TAFA4: variants seen among roughly 807,000 people sequenced by gnomAD.
TAFA4 encodes TAFA chemokine like family member 4.
TAFA4 carries 20 observed loss-of-function variants against 21.1 expected under a neutral mutation model. That is an observed-to-expected ratio of 0.95 (90% confidence interval 0.67 to 1.38). TAFA4 has a LOEUF of 1.38. Among genes scored for constraint, TAFA4 ranks in the 40% most tolerant of loss-of-function variants. The pLI is 0.00. For synonymous variants in TAFA4, 71 were observed against 67.4 expected (o/e 1.05, Z -0.26); for missense variants, 211 against 180.9 (o/e 1.17, Z -0.95).
At chr3:68,743,948 G>C (rs1243976388) in intron 4 of TAFA4, among the ~76,000 whole-genome samples, 1 of 152,140 alleles carries the variant, frequency 6.6e-6, no homozygotes, top group East Asian at 1.9e-4. Flanking sequence ...ACCACAGATT[G>C]GTTCCAAGTG....
intron 3 of TAFA4, among the ~76,000 whole-genome samples, chr3:68,879,614 T>C (rs2089593362): frequency 6.6e-6 from 1 of 152,236 alleles, no homozygotes; most frequent in Admixed American, 6.5e-5. Flanking sequence ...GATTTTATGC[T>C]GATTTGCTGA....
At chr3:68,843,214 G>A (rs922394405) in intron 3 of TAFA4, among the ~76,000 whole-genome samples, 1 of 152,150 alleles carries the variant, frequency 6.6e-6, no homozygotes, top group Non-Finnish European at 1.5e-5. Context: ...CTTGAGCAGT[G>A]GTTTGTAGTT....
At chr3:68,872,632 T>C (rs964334064) in intron 3 of TAFA4, among the ~76,000 whole-genome samples, 2 of 152,152 alleles carry the variant, frequency 1.3e-5, no homozygotes, top group Non-Finnish European at 2.9e-5. Flanking sequence ...TCATTACACA[T>C]TGTATATATG....
At chr3:68,803,253 T>A (rs1451945512) in intron 3 of TAFA4, among the ~76,000 whole-genome samples, 2 of 152,204 alleles carry the variant, frequency 1.3e-5, no homozygotes. Flanking sequence ...AATAGATGAA[T>A]AATTTAAAGA....
chr3:68,909,166 G>A (rs1425139006), intron 1 of TAFA4, among the ~76,000 whole-genome samples: 2 of 152,162 alleles, frequency 1.3e-5, no homozygotes, highest in Non-Finnish European at 2.9e-5. Flanking sequence ...TAACTCAAAG[G>A]ATGGCAAACC....
chr3:68,869,107 A>G (rs1432837718), intron 3 of TAFA4, among the ~76,000 whole-genome samples: 1 of 151,636 alleles, frequency 6.6e-6, no homozygotes, highest in Non-Finnish European at 1.5e-5. Context: ...TCGAAAAGCT[A>G]AAAGAAATGA....
At chr3:68,915,495 T>C (rs1339388912) in intron 1 of TAFA4, among the ~76,000 whole-genome samples, 2 of 152,202 alleles carry the variant, frequency 1.3e-5, no homozygotes, top group Non-Finnish European at 2.9e-5. Flanking sequence ...TTTAGGGTCA[T>C]TGTTGGACAT....
intron 1 of TAFA4, among the ~76,000 whole-genome samples, chr3:68,897,919 G>A (rs2089808396): frequency 6.6e-6 from 1 of 152,288 alleles, no homozygotes; most frequent in East Asian, 1.9e-4. Context: ...GTACCTCACA[G>A]GAAGTCACAG....
intron 3 of TAFA4, among the ~76,000 whole-genome samples, chr3:68,876,739 A>G (rs1384309337): frequency 2.7e-5 from 3 of 111,206 alleles, no homozygotes; most frequent in Admixed American, 8.3e-5. Context: ...TTTATAACAG[A>G]AAAAAAAACA....
At chr3:68,925,304 TTC>T (rs1407217107) in intron 1 of TAFA4, among the ~76,000 whole-genome samples, 2 of 152,184 alleles carry the variant, frequency 1.3e-5, no homozygotes, top group African/African-American at 4.8e-5. Context: ...GCATAATCAG[TTC>T]TGAAGGCAGA....
At chr3:68,850,059 A>C (rs1368743257) in intron 3 of TAFA4, among the ~76,000 whole-genome samples, 1 of 152,168 alleles carries the variant, frequency 6.6e-6, no homozygotes, top group Non-Finnish European at 1.5e-5. Context: ...ATTGAGTTGC[A>C]AAATTGCCTC....
chr3:68,810,140 T>C (rs1703800486), intron 3 of TAFA4, among the ~76,000 whole-genome samples: 1 of 152,240 alleles, frequency 6.6e-6, no homozygotes, highest in Non-Finnish European at 1.5e-5. Context: ...AAGGAATGCA[T>C]GGAATCTGTA....
At chr3:68,788,785 A>T (rs900490454) in intron 3 of TAFA4, among the ~76,000 whole-genome samples, 1 of 127,000 alleles carries the variant, frequency 7.9e-6, no homozygotes, top group African/African-American at 3.3e-5. Flanking sequence ...CTAAATTTTT[A>T]TTTTATTTTA....
In TAFA4 at chr3:68,831,946, A is replaced by G. The variant is rs533124608; in HGVS notation, c.130+48784T>C. On this transcript the variant is annotated intron_variant, in intron 3 of 5. Transcript: ENST00000295569. ...ATTAATTTGATCTTCAATCACTGAT[A>G]GCCTTTCTTGTCCTTGATCAAATTG... 2.2e-4 allele frequency among the ~76,000 whole-genome samples: 33 copies of G among 152,270 alleles called. No homozygotes were observed. In the South Asian group the frequency reaches 3.5e-3, roughly 16 times the overall value.
intron 5 of TAFA4, among the ~76,000 whole-genome samples, chr3:68,736,332 C>T (rs1047181576): frequency 2.6e-5 from 4 of 152,028 alleles, no homozygotes; most frequent in African/African-American, 9.7e-5. Context: ...GCTGCATCCC[C>T]TCTAGAGACA....
intron 3 of TAFA4, among the ~76,000 whole-genome samples, chr3:68,799,237 T>C (rs1344747737): frequency 6.6e-6 from 1 of 152,188 alleles, no homozygotes; most frequent in African/African-American, 2.4e-5. Context: ...ACAACAAACA[T>C]TTATTTCTTA....
At chr3:68,891,420 G>A (rs923574712) in intron 1 of TAFA4, among the ~76,000 whole-genome samples, 2 of 152,178 alleles carry the variant, frequency 1.3e-5, no homozygotes, top group African/African-American at 4.8e-5. Flanking sequence ...CACCTCCAGA[G>A]TGAGGAGGTT....
At chr3:68,804,836 A>C (rs1289317322) in intron 3 of TAFA4, among the ~76,000 whole-genome samples, 1 of 152,228 alleles carries the variant, frequency 6.6e-6, no homozygotes. Flanking sequence ...GTTAGACCTA[A>C]AACCATAAAA....
intron 3 of TAFA4, among the ~76,000 whole-genome samples, chr3:68,782,477 G>A (rs1355733532): frequency 2.0e-5 from 3 of 151,812 alleles, no homozygotes; most frequent in Non-Finnish European, 4.4e-5. Context: ...GCCAAAAGGT[G>A]AATACAACCC....
Sources: gnomAD v4.1 joint callset for allele counts (sites outside exome capture counted in the v4.1 genomes callset) on GRCh38, gnomAD v4.1.1 for gene constraint, MANE v1.5 for transcripts, NCBI Gene and HGNC (gene_info 2026-07-23, HGNC 2026-07-21) for gene names.